Variants in STK32C observed in about 807,000 individuals in gnomAD.
STK32C encodes serine/threonine kinase 32C, also known as serine/threonine-protein kinase 32C.
In STK32C, 31 loss-of-function variants were observed where a neutral mutation model predicts 56.5. That is an observed-to-expected ratio of 0.55 (90% confidence interval 0.41 to 0.74). STK32C has a LOEUF of 0.74. STK32C is among the 30% of genes least tolerant of loss of function. The pLI is 0.00. For synonymous variants in STK32C, 309 were observed against 289.4 expected, an observed-to-expected ratio of 1.07 and a Z score of -0.69; for missense variants, 544 against 676.9, an observed-to-expected ratio of 0.80 and a Z score of 2.18.
intron 1 of STK32C, among the ~76,000 whole-genome samples, chr10:132,331,067 G>A (rs1482518948): frequency 6.6e-6 from 1 of 151,298 alleles, no homozygotes; most frequent in Non-Finnish European, 1.5e-5. Context: ...TGGACGTGGT[G>A]GCGCGCGCCT....
chr10:132,265,574 G>T (rs1189326343), intron 1 of STK32C, among the ~76,000 whole-genome samples: 2 of 152,190 alleles, frequency 1.3e-5, no homozygotes, highest in Non-Finnish European at 2.9e-5. Context: ...GCCCTGGGAG[G>T]CCTCTCGCTT....
At chr10:132,298,114 G>A (rs1483240313) in intron 1 of STK32C, among the ~76,000 whole-genome samples, 4 of 152,160 alleles carry the variant, frequency 2.6e-5, no homozygotes, top group Non-Finnish European at 5.9e-5. Context: ...CTTCCAACTC[G>A]TCCCTGCTCT....
intron 1 of STK32C, among the ~76,000 whole-genome samples, chr10:132,266,041 G>C (rs542923503): frequency 5.3e-5 from 8 of 152,326 alleles, no homozygotes; most frequent in African/African-American, 1.9e-4. Context: ...AATGTGCTTT[G>C]CTGCCTTACA....
chr10:132,269,898 A>G (rs188446024), intron 1 of STK32C, among the ~76,000 whole-genome samples: 14 of 152,304 alleles, frequency 9.2e-5, no homozygotes, highest in Admixed American at 4.6e-4. Flanking sequence ...CACCCACCCA[A>G]TGGTGGCCTC....
intron 1 of STK32C, chr10:132,249,056 G>A (rs769624545): frequency 2.1e-6 from 1 of 476,664 alleles, no homozygotes; most frequent in Non-Finnish European, 4.2e-6. Flanking sequence ...CTGTGCGACG[G>A]AGGCGGCGGC....
At chr10:132,223,073 G>A (rs1170501535) in intron 8 of STK32C, 87 bp from the exon 9 acceptor site, 47 of 1,484,382 alleles carry the variant, frequency 3.2e-5, no homozygotes, top group Non-Finnish European at 4.1e-5. Flanking sequence ...GGCACCTTGA[G>A]GAGGGTCCCA....
At chr10:132,231,846 G>A (rs1197850247) in intron 2 of STK32C, among the ~76,000 whole-genome samples, 2 of 152,234 alleles carry the variant, frequency 1.3e-5, no homozygotes, top group African/African-American at 2.4e-5. Flanking sequence ...ACCACGAGTG[G>A]CCAGCAGCCA....
In STK32C at chr10:132,222,634, C is replaced by T. The variant is rs376671376; in HGVS notation, c.1251+7G>A. On this transcript the variant is annotated splice_region_variant and intron_variant, in intron 10 of 11. Coordinates refer to ENST00000298630, the MANE Select transcript of STK32C (RefSeq NM_173575.4). ...CCGCCGCGCCCTGAGCCTGCCCTGG[C>T]ACTCACGGACTGGGAGCTGTCCCTG... The T allele has an allele frequency of 1.2e-6, 2 of 1,611,774 alleles. No individual in the cohort carries two copies.
chr10:132,304,286 G>C (rs2065994190), intron 1 of STK32C, among the ~76,000 whole-genome samples: 1 of 151,438 alleles, frequency 6.6e-6, no homozygotes, highest in Non-Finnish European at 1.5e-5. Flanking sequence ...AACTCAAGAG[G>C]GGCTTAAAAA....
intron 10 of STK32C, among the ~76,000 whole-genome samples, chr10:132,218,953 C>A (rs535502258): frequency 6.6e-6 from 1 of 152,312 alleles, no homozygotes; most frequent in East Asian, 1.9e-4. Context: ...GCTGCAAAGA[C>A]CACATAGTGT....
chr10:132,227,904 A>G (rs920027168), intron 3 of STK32C, 73 bp downstream of exon 3: 1 of 1,559,844 alleles, frequency 6.4e-7, no homozygotes, highest in Non-Finnish European at 8.7e-7. Flanking sequence ...CACCAAGGGC[A>G]GGAGAGGATA....
Position 132,279,617 on chromosome 10 carries a change from T to G in STK32C, c.262+27955A>C, listed in dbSNP as rs1269595811. On this transcript the variant is annotated intron_variant, in intron 1 of 11. Coordinates refer to ENST00000298630, the MANE Select transcript of STK32C (RefSeq NM_173575.4). ...ACTCCATGTTCACGCCCCTGCACTC[T>G]GTAATCATGCCACTCCACTCCCTGA... Among the ~76,000 whole-genome samples, 3 of 148,728 alleles carry G rather than the reference T, an allele frequency of 2.0e-5. No homozygotes were observed. In the East Asian group the frequency reaches 6.1e-4, roughly 30 times the overall value.
At chr10:132,331,606 C>A in exon 1 of STK32C, 1 of 1,612,884 alleles carries the variant, frequency 6.2e-7, no homozygotes, top group East Asian at 2.2e-5. Context: ...GGGGAGTGAG[C>A]CCAGCGGGAA....
chr10:132,254,706 C>A (rs1291208373), intron 1 of STK32C, among the ~76,000 whole-genome samples: 1 of 95,492 alleles, frequency 1.0e-5, no homozygotes, highest in African/African-American at 4.9e-5. Flanking sequence ...CGAAGGCTGC[C>A]CCCAGACCTG....
intron 1 of STK32C, among the ~76,000 whole-genome samples, chr10:132,278,055 A>G (rs2065040927): frequency 6.6e-6 from 1 of 152,156 alleles, no homozygotes; most frequent in Admixed American, 6.5e-5. Context: ...TTGAGGGGGC[A>G]GCTTAGGAAT....
intron 10 of STK32C, among the ~76,000 whole-genome samples, chr10:132,215,282 T>C (rs1352797081): frequency 6.6e-6 from 1 of 152,148 alleles, no homozygotes; most frequent in Non-Finnish European, 1.5e-5. Flanking sequence ...ACTACAGGCA[T>C]GCACTGTTAT....
chr10:132,321,900 T>C (rs2066415232), downstream of STK32C, among the ~76,000 whole-genome samples: 1 of 152,168 alleles, frequency 6.6e-6, no homozygotes, highest in South Asian at 2.1e-4. Flanking sequence ...GGCACCTGTG[T>C]CCTGGTGCAC....
chr10:132,215,361 A>G (rs2062437891), intron 10 of STK32C, among the ~76,000 whole-genome samples: 1 of 152,040 alleles, frequency 6.6e-6, no homozygotes, highest in African/African-American at 2.4e-5. Flanking sequence ...CCCCAATCTC[A>G]GCTTGAATTG....
At chr10:132,225,847 C>T (rs2062870301) in intron 4 of STK32C, 63 bp from the exon 5 acceptor site, 1 of 1,605,488 alleles carries the variant, frequency 6.2e-7, no homozygotes, top group Admixed American at 1.7e-5. Flanking sequence ...CCTGGAATCT[C>T]TGTCACAATC....
Sources: allele counts gnomAD v4.1 joint callset (sites outside exome capture counted in the v4.1 genomes callset), GRCh38; gene constraint gnomAD v4.1.1; transcripts MANE v1.5; gene names NCBI Gene and HGNC (gene_info 2026-07-23, HGNC 2026-07-21).